MACROD1: variants seen among roughly 807,000 people sequenced by gnomAD.
MACROD1 encodes ADP-ribose glycohydrolase MACROD1.
MACROD1 carries 31 observed loss-of-function variants against 41.4 expected under a neutral mutation model. That is an observed-to-expected ratio of 0.75 (90% CI 0.56 to 1.01). The LOEUF (loss-of-function observed/expected upper bound fraction) is 1.01. Among genes scored for constraint, MACROD1 ranks in the 50% least tolerant of loss-of-function variants. The pLI, the probability that MACROD1 is intolerant of heterozygous loss-of-function variation, is 0.00. For missense variants in MACROD1, 473 were observed against 460.0 expected, an observed-to-expected ratio of 1.03 and a Z score of -0.26; for synonymous variants, 252 against 203.4, an observed-to-expected ratio of 1.24 and a Z score of -2.03.
At chr11:64,021,746 T>A (rs1943154864) in intron 3 of MACROD1, among the ~76,000 whole-genome samples, 1 of 151,638 alleles carries the variant, frequency 6.6e-6, no homozygotes, top group Non-Finnish European at 1.5e-5. Flanking sequence ...CAGCCTTCTG[T>A]TCTCTGACAA....
chr11:64,116,288 C>A (rs746555247), intron 3 of MACROD1: 5 of 1,600,772 alleles, frequency 3.1e-6, no homozygotes, highest in Non-Finnish European at 4.3e-6. Flanking sequence ...CACACCCCAC[C>A]GCCACTGCCA....
At chr11:64,104,893 G>C (rs1211242686) in intron 3 of MACROD1, among the ~76,000 whole-genome samples, 3 of 152,190 alleles carry the variant, frequency 2.0e-5, no homozygotes, top group African/African-American at 7.2e-5. Flanking sequence ...GCCAGAGGGA[G>C]AGGCTGCACC....
intron 3 of MACROD1, chr11:64,148,819 C>A (rs1945533440): frequency 8.1e-6 from 8 of 985,520 alleles, no homozygotes; most frequent in Non-Finnish European, 9.6e-6. Context: ...ATCTCTGCTG[C>A]CCCCTGGTGG....
chr11:64,136,005 G>T (rs1300352664), intron 3 of MACROD1, among the ~76,000 whole-genome samples: 1 of 152,240 alleles, frequency 6.6e-6, no homozygotes, highest in East Asian at 1.9e-4. Flanking sequence ...CGGCCCGATG[G>T]ACGTCCTAGG....
At chr11:64,068,088 G>A (rs915980599) in intron 3 of MACROD1, among the ~76,000 whole-genome samples, 8 of 152,246 alleles carry the variant, frequency 5.3e-5, no homozygotes, top group African/African-American at 1.9e-4. Flanking sequence ...CCGGAGCCGG[G>A]CGAAGTTGAA....
intron 3 of MACROD1, among the ~76,000 whole-genome samples, chr11:64,129,370 G>A (rs1047647510): frequency 1.5e-4 from 23 of 152,240 alleles, no homozygotes; most frequent in Admixed American, 1.4e-3. Flanking sequence ...GGTGAGGTGG[G>A]ACGACACAGG....
rs1945079434 is a variant in MACROD1, at chr11:64,120,453, G to A, written c.517+30786C>T. ...TGTAATCCCAGCACTTTGGGAGACT[G>A]AGGCAGGCAGATTTTCTGAGGTCAG... On this transcript the variant is annotated intron_variant, in intron 3 of 10. Coordinates refer to ENST00000255681, the MANE Select transcript of MACROD1 (RefSeq NM_014067.4). The surrounding 1 kb of genome is among the most constrained non-coding windows in gnomAD (Gnocchi z 4.5). Among the ~76,000 whole-genome samples, 1 of 152,188 alleles carries A rather than the reference G, an allele frequency of 6.6e-6. No homozygotes were observed. The highest frequency in any genetic ancestry group is 2.4e-5 in the African/African-American group (1 of 41,440).
chr11:63,998,941 C>T lies in MACROD1; in HGVS notation c.973+14G>A, dbSNP rs762595617. The T allele has an allele frequency of 1.3e-6, 2 of 1,566,632 alleles. No homozygotes were observed. The highest frequency in any genetic ancestry group is 2.3e-4 in the Middle Eastern group (1 of 4,312). On this transcript the variant is annotated intron_variant, in intron 9 of 10. Transcript: ENST00000255681. Reference sequence around the variant, plus strand: ...GGGGCAGGGGCGGGCCGTGGGGCGGCGCGGGGCACGTACCCACGGGGAAGT... The same window carrying T: ...GGGGCAGGGGCGGGCCGTGGGGCGGTGCGGGGCACGTACCCACGGGGAAGT...
At chr11:64,123,885 G>A (rs1206494963) in intron 3 of MACROD1, among the ~76,000 whole-genome samples, 1 of 152,164 alleles carries the variant, frequency 6.6e-6, no homozygotes, top group African/African-American at 2.4e-5. Context: ...CCGTCACTGG[G>A]AGCATTCAAG....
Position 64,152,368 on chromosome 11 carries a change from C to T in MACROD1, c.324G>A (p.Lys108=). The T allele has an allele frequency of 6.2e-7, 1 of 1,614,268 alleles. No individual in the cohort carries two copies. Among genetic ancestry groups the T allele is most frequent in the South Asian group, 1.1e-5 (1 of 91,090 alleles). ...TGCAGAAGTAATGTTCCTCCCGCTG[C>T]TTGTCACTCAGGCCCTTCAGAAAGG... The part of the protein sequence containing the change: ...AKSFLKGLSD[K]QREEHYFCKD... Residue 108 remains lysine (K), a synonymous_variant, in exon 2 of 11, where the codon AAG becomes AAA. Transcript: ENST00000255681.
intron 1 of MACROD1, among the ~76,000 whole-genome samples, chr11:64,153,152 C>T (rs1440097033): frequency 6.6e-6 from 1 of 152,132 alleles, no homozygotes; most frequent in Non-Finnish European, 1.5e-5. Flanking sequence ...TCCGCCTTCC[C>T]TTGGGGGTGG....
In MACROD1 at chr11:64,036,676, G is replaced by T. The variant is rs1943386766; in HGVS notation, c.518-21395C>A. Among the ~76,000 whole-genome samples, 1 of 152,142 alleles carries T rather than the reference G, an allele frequency of 6.6e-6. No homozygotes were observed. The highest frequency in any genetic ancestry group is 2.4e-5 in the African/African-American group (1 of 41,440). On this transcript the variant is annotated intron_variant, in intron 3 of 10. Transcript: ENST00000255681. The surrounding 1 kb of genome is among the most constrained non-coding windows in gnomAD (Gnocchi z 5.6). ...GTTTTATTTTTAAAACGACTTCAAG[G>T]GGGGCATGAGCAGCCTCCAACTTCC... is the stretch of plus-strand genomic sequence containing the variant.
chr11:64,100,439 GCA>G (rs1944651515), intron 3 of MACROD1, among the ~76,000 whole-genome samples: 1 of 152,190 alleles, frequency 6.6e-6, no homozygotes, highest in Non-Finnish European at 1.5e-5. Flanking sequence ...TTGGTTTTGA[GCA>G]CAGAGACCAG....
In MACROD1 at chr11:64,096,707, G is replaced by A. The variant is rs907497887; in HGVS notation, c.517+54532C>T. Among the ~76,000 whole-genome samples, 5 of 152,236 alleles carry A rather than the reference G, an allele frequency of 3.3e-5. No homozygotes were observed. Among genetic ancestry groups the A allele is most frequent in the Admixed American group, 2.0e-4 (3 of 15,298 alleles). ...GCTGGGATTACAGGCATGAGCCACCGCACCCTACCCTCTCCCCCTTTTGTG... is the reference window on the plus strand; with the variant it reads ...GCTGGGATTACAGGCATGAGCCACCACACCCTACCCTCTCCCCCTTTTGTG... On this transcript the variant is annotated intron_variant, in intron 3 of 10. Transcript: ENST00000255681. The surrounding 1 kb of genome is among the most constrained non-coding windows in gnomAD (Gnocchi z 4.6).
intron 3 of MACROD1, among the ~76,000 whole-genome samples, chr11:64,033,426 G>A (rs1943319780): frequency 6.6e-6 from 1 of 152,166 alleles, no homozygotes; most frequent in Non-Finnish European, 1.5e-5. Context: ...GGACAAGGTT[G>A]CCCAGGCTGG....
chr11:64,145,056 G>A (rs564095349), intron 3 of MACROD1, among the ~76,000 whole-genome samples: 5 of 152,320 alleles, frequency 3.3e-5, no homozygotes, highest in South Asian at 2.1e-4. Context: ...CCCTCCAGGC[G>A]GCAGGAGAGG....
At chr11:64,121,575 C>T (rs1945098478) in intron 3 of MACROD1, among the ~76,000 whole-genome samples, 2 of 152,340 alleles carry the variant, frequency 1.3e-5, no homozygotes, top group South Asian at 4.1e-4. Context: ...ACCCCATCCC[C>T]TCTTGGCCCA....
In MACROD1 at chr11:64,096,573, G is replaced by A. The variant is rs1269551711; in HGVS notation, c.517+54666C>T. Among the ~76,000 whole-genome samples the A allele has an allele frequency of 4.6e-5, 7 of 151,804 alleles. No homozygotes were observed. The highest frequency in any genetic ancestry group is 3.4e-3 in the Middle Eastern group (1 of 294). ...TGGGATTACAGGCGCCTGCCATCAC[G>A]CCCAGCTAATTTTTTTATTTTTAGT... On this transcript the variant is annotated intron_variant, in intron 3 of 10. Transcript: ENST00000255681. The surrounding 1 kb of genome is among the most constrained non-coding windows in gnomAD (Gnocchi z 4.6).
chr11:64,160,446 G>A (rs1409912065), intron 1 of MACROD1, among the ~76,000 whole-genome samples: 2 of 152,164 alleles, frequency 1.3e-5, no homozygotes, highest in African/African-American at 2.4e-5. Context: ...AGGCAGACAA[G>A]TATTTGGAGG....
Sources: gnomAD v4.1 joint callset for allele counts (sites outside exome capture counted in the v4.1 genomes callset) on GRCh38, gnomAD v4.1.1 for gene constraint, Gnocchi (gnomAD v3.1) non-coding constraint, MANE v1.5 for transcripts, NCBI Gene and HGNC (gene_info 2026-07-23, HGNC 2026-07-21) for gene names.